STK40: variants seen among roughly 807,000 people sequenced by gnomAD.
The protein encoded by STK40 is serine/threonine kinase 40.
STK40 carries 13 observed loss-of-function variants against 47.9 expected under a neutral mutation model. The observed-to-expected ratio is 0.27, with a 90% CI of 0.18 to 0.43. The LOEUF (loss-of-function observed/expected upper bound fraction) is 0.43. Ranked by LOEUF, STK40 falls within the 20% of genes least tolerant of loss-of-function variation. The pLI, the probability that STK40 is intolerant of heterozygous loss-of-function variation, is 1.00. For missense variants in STK40, 460 were observed against 595.1 expected (o/e 0.77, Z 2.36); for synonymous variants, 225 against 243.2 (o/e 0.93, Z 0.69).
At chr1:36,358,645 C>A in intron 3 of STK40, 92 bp downstream of exon 3, 1 of 1,408,560 alleles carries the variant, frequency 7.1e-7, no homozygotes, top group Non-Finnish European at 9.9e-7. Flanking sequence ...CTCTTGTTCA[C>A]AATGACGCAG....
intron 1 of STK40, among the ~76,000 whole-genome samples, chr1:36,381,899 G>C (rs555437671): frequency 6.6e-6 from 1 of 152,178 alleles, no homozygotes; most frequent in Non-Finnish European, 1.5e-5. Context: ...TTCTGTGAGA[G>C]ACTTGCCAAA....
At chr1:36,365,280 C>T (rs949379775) in intron 1 of STK40, among the ~76,000 whole-genome samples, 10 of 152,166 alleles carry the variant, frequency 6.6e-5, no homozygotes, top group African/African-American at 2.2e-4. Flanking sequence ...ATGAGCACCG[C>T]GCCCGGCCTG....
At position 36,341,631 on chromosome 1, in the gene STK40, G is replaced by A; in HGVS notation, c.*124C>T. 1 of 1,226,022 alleles carries A rather than the reference G, an allele frequency of 8.2e-7. No homozygotes were observed. Among genetic ancestry groups the A allele is most frequent in the Non-Finnish European group, 1.1e-6 (1 of 875,680 alleles). The allele number at this position is 1,226,022 out of a possible 1,614,324, so 75.9% of individuals were successfully genotyped here. ...CCCACGTGTGACCTGGGCTGTCCCT[G>A]TCCCTGCCCTGTCCCTATTGTGGCC... On this transcript the variant is annotated 3_prime_UTR_variant, in exon 11 of 11. Transcript: ENST00000373132.
At position 36,343,095 on chromosome 1, in the gene STK40, G is replaced by A. The variant is rs150826852; in HGVS notation, c.1089+269C>T. ...TGGGCAGCAGGAGGAAGCTGAGAGG[G>A]CTGGCCTGGGCCACTTGGGCACTGG... On this transcript the variant is annotated intron_variant, in intron 10 of 10. Transcript: ENST00000373132. The A allele has an allele frequency of 2.2e-3, 1,356 of 619,052 alleles. 8 individuals are homozygous for A. Among genetic ancestry groups the A allele is most frequent in the Middle Eastern group, 5.6e-3 (15 of 2,682 alleles). The allele number at this position is 619,052 out of a possible 1,614,324, so 38.3% of individuals were successfully genotyped here.
intron 7 of STK40, among the ~76,000 whole-genome samples, chr1:36,346,886 G>T (rs565413315): frequency 1.3e-5 from 2 of 152,324 alleles, no homozygotes; most frequent in South Asian, 4.1e-4. Flanking sequence ...CACAGGCTGG[G>T]TGGAAGGAGG....
chr1:36,343,292 C>G, intron 10 of STK40, 72 bp downstream of exon 10: 1 of 1,518,946 alleles, frequency 6.6e-7, no homozygotes, highest in Admixed American at 1.9e-5. Context: ...CCACCTCTGC[C>G]CTTGCCCTGC....
At position 36,358,793 on chromosome 1, in the gene STK40, T is replaced by G; in HGVS notation, c.142A>C (p.Ser48Arg). The change falls in exon 3 of 11, where the codon AGC (serine) becomes CGC (arginine). Residue 48 changes from serine (S) to arginine (R), a missense_variant. Ser to Arg is a moderately radical substitution (Grantham distance 110). Around this residue, in one of 3 missense-constraint regions of STK40, gnomAD observed 277 missense variants for 358.7 expected, o/e 0.77. Coordinates refer to ENST00000373132, the MANE Select transcript of STK40 (RefSeq NM_001282547.2). ...GPRLGNSPVPSIVQCLARKDG... is the reference protein window; with the variant it reads ...GPRLGNSPVPRIVQCLARKDG... ...TTCCTCGCCAAACACTGCACTATGC[T>G]TGGCACCGGTGAGTTGCCCAGACGG... 1 of 1,614,158 alleles carries G rather than the reference T, an allele frequency of 6.2e-7. No individual in the cohort carries two copies. Among genetic ancestry groups the G allele is most frequent in the Non-Finnish European group, 8.5e-7 (1 of 1,180,026 alleles).
At position 36,343,883 on chromosome 1, in the gene STK40, G is replaced by A; in HGVS notation, c.981C>T (p.Ala327=). 1 of 1,603,058 alleles carries A rather than the reference G, an allele frequency of 6.2e-7. No homozygotes were observed. Among genetic ancestry groups the A allele is most frequent in the South Asian group, 1.1e-5 (1 of 90,548 alleles). ...ACCATGATGCAATGATGGCACTGAG[G>A]GCCTCCAGGACGTCGGCGGCGGCCA... ...QRLAAADVLE[A]LSAIIASWQS... The change falls in exon 9 of 11, where the codon GCC becomes GCT. Residue 327 remains alanine, a synonymous_variant. Transcript: ENST00000373132.
chr1:36,361,168 G>C, intron 2 of STK40, 53 bp downstream of exon 2: 1 of 1,602,210 alleles, frequency 6.2e-7, no homozygotes, highest in East Asian at 2.2e-5. Flanking sequence ...GAGCCAATGT[G>C]CCCTGCCCCT....
intron 1 of STK40, among the ~76,000 whole-genome samples, chr1:36,378,562 G>A (rs935383096): frequency 2.6e-5 from 4 of 151,898 alleles, no homozygotes; most frequent in African/African-American, 4.8e-5. Flanking sequence ...GGGTTCAAGC[G>A]ATTCTCCTGC....
intron 1 of STK40, among the ~76,000 whole-genome samples, chr1:36,372,423 C>CAAAAAAA (rs796595993): frequency 2.3e-4 from 9 of 39,580 alleles, no homozygotes; most frequent in East Asian, 7.1e-4. Context: ...GACCTTGTCT[C>CAAAAAAA]AAAAAAAAAA....
intron 1 of STK40, among the ~76,000 whole-genome samples, chr1:36,361,582 C>G (rs201599234): frequency 1.3e-5 from 2 of 152,150 alleles, no homozygotes; most frequent in African/African-American, 2.4e-5. Flanking sequence ...GGTACAGAGG[C>G]GGGGAGCCAA....
intron 6 of STK40, among the ~76,000 whole-genome samples, chr1:36,354,033 G>C (rs1017564990): frequency 6.6e-6 from 1 of 152,136 alleles, no homozygotes; most frequent in African/African-American, 2.4e-5. Context: ...CCAAAGTGCT[G>C]GGATTACAGG....
chr1:36,358,440 A>G, intron 3 of STK40, 58 bp from the exon 4 acceptor site: 1 of 1,551,748 alleles, frequency 6.4e-7, no homozygotes, highest in Non-Finnish European at 8.8e-7. Flanking sequence ...ACACAGCAGA[A>G]CAACCAGAAC....
At chr1:36,354,811 C>T (rs907869246) in intron 5 of STK40, among the ~76,000 whole-genome samples, 1 of 152,144 alleles carries the variant, frequency 6.6e-6, no homozygotes, top group African/African-American at 2.4e-5. Context: ...AGCGGCACAC[C>T]GGGAAGAGGC....
Position 36,343,364 on chromosome 1 carries a change from C to T in STK40, c.1089G>A (p.Glu363=). ...DQMSNADSSQ[E]AKVTEECSQY... is the part of the protein sequence containing the mutation. ...GGCCCATCTGCCCTCCCCAACTCAC[C>T]TCCTGGGAGCTATCCGCATTGCTCA... Residue 363 remains glutamate, a splice_region_variant and synonymous_variant, in exon 10 of 11, where the codon GAG becomes GAA. Coordinates refer to ENST00000373132, the MANE Select transcript of STK40 (RefSeq NM_001282547.2). 1 of 1,612,150 alleles carries T rather than the reference C, an allele frequency of 6.2e-7. No individual in the cohort carries two copies. Among genetic ancestry groups the T allele is most frequent in the Non-Finnish European group, 8.5e-7 (1 of 1,178,990 alleles).
intron 7 of STK40, among the ~76,000 whole-genome samples, chr1:36,346,339 C>T (rs1646702497): frequency 6.6e-6 from 1 of 152,122 alleles, no homozygotes; most frequent in South Asian, 2.1e-4. Context: ...ACTGCCATCC[C>T]TATTTTACAG....
At chr1:36,373,862 T>C (rs1646969728) in intron 1 of STK40, among the ~76,000 whole-genome samples, 1 of 152,256 alleles carries the variant, frequency 6.6e-6, no homozygotes, top group South Asian at 2.1e-4. Context: ...AACTGGCTGC[T>C]TCTAACCAGA....
At chr1:36,381,529 C>T (rs1417441010) in intron 1 of STK40, among the ~76,000 whole-genome samples, 2 of 152,042 alleles carry the variant, frequency 1.3e-5, no homozygotes, top group African/African-American at 2.4e-5. Flanking sequence ...TGTCCAGGCT[C>T]GAGTGCAGTG....
Sources: allele counts gnomAD v4.1 joint callset (sites outside exome capture counted in the v4.1 genomes callset), GRCh38; gene constraint gnomAD v4.1.1; regional missense constraint gnomAD v4.1.1; transcripts MANE v1.5; gene names NCBI Gene and HGNC (gene_info 2026-07-23, HGNC 2026-07-21).